The following PRKCH variants were observed in gnomAD, a reference collection of about 807,000 sequenced individuals.
PRKCH encodes protein kinase C eta.
In PRKCH, 28 loss-of-function variants were observed where a neutral mutation model predicts 82.5. That is an observed-to-expected ratio of 0.34 (90% CI 0.25 to 0.47). PRKCH has a LOEUF of 0.47. Ranked by LOEUF, PRKCH falls within the 20% of genes least tolerant of loss-of-function variation. The pLI, the probability that PRKCH is intolerant of heterozygous loss-of-function variation, is 1.00. For synonymous variants in PRKCH, 322 were observed against 327.4 expected, an observed-to-expected ratio of 0.98 and a Z score of 0.18; for missense variants, 705 against 881.8, an observed-to-expected ratio of 0.80 and a Z score of 2.54.
At chr14:61,534,719 G>T (rs192330678) in intron 12 of PRKCH, among the ~76,000 whole-genome samples, 3 of 152,208 alleles carry the variant, frequency 2.0e-5, no homozygotes, top group Admixed American at 6.5e-5. Context: ...GAGGAAACGG[G>T]CCCAGAGAGA....
At chr14:61,299,337 T>C (rs1026608613) in intron 1 of PRKCH, among the ~76,000 whole-genome samples, 1 of 152,142 alleles carries the variant, frequency 6.6e-6, no homozygotes, top group African/African-American at 2.4e-5. Flanking sequence ...ACCTGAGGCG[T>C]TCTTACCTTA....
intron 1 of PRKCH, among the ~76,000 whole-genome samples, chr14:61,378,682 T>A (rs2046457995): frequency 6.6e-6 from 1 of 152,204 alleles, no homozygotes; most frequent in East Asian, 1.9e-4. Context: ...TTCCTCCAGT[T>A]CTGCTTCCCC....
At chr14:61,445,866 A>G in intron 4 of PRKCH, 140 bp downstream of exon 4, 1 of 845,258 alleles carries the variant, frequency 1.2e-6, no homozygotes, top group Non-Finnish European at 1.9e-6. Flanking sequence ...CTGTGTAGAT[A>G]CAACTCTTTA....
chr14:61,263,198 A>C (rs1293289654), intron 1 of PRKCH, among the ~76,000 whole-genome samples: 1 of 152,150 alleles, frequency 6.6e-6, no homozygotes, highest in Non-Finnish European at 1.5e-5. Flanking sequence ...TCTCATTCAA[A>C]GCAGTCATCA....
intron 2 of PRKCH, among the ~76,000 whole-genome samples, chr14:61,404,737 G>A (rs1881847653): frequency 6.6e-6 from 1 of 152,156 alleles, no homozygotes; most frequent in Non-Finnish European, 1.5e-5. Context: ...AGATGGTCAG[G>A]GAAGGCCCCT....
intron 1 of PRKCH, chr14:61,304,490 T>C (rs2045471065): frequency 6.6e-6 from 1 of 152,152 alleles, no homozygotes; most frequent in South Asian, 2.1e-4. Context: ...CCAGCATTTG[T>C]TTATCAGAAA....
Position 61,322,481 on chromosome 14 carries a change from C to T in PRKCH, c.363+17C>T, listed in dbSNP as rs764761904. 1 of 1,581,920 alleles carries T rather than the reference C, an allele frequency of 6.3e-7. No homozygotes were observed. Among genetic ancestry groups the T allele is most frequent in the East Asian group, 2.3e-5 (1 of 43,990 alleles). ...GAGGGTTGGGTGAGTAGCGGTGACC[C>T]CTTCCCTTTGTGTCCACCCAACCCC... On this transcript the variant is annotated intron_variant, in intron 1 of 13. Coordinates refer to ENST00000332981, the MANE Select transcript of PRKCH (RefSeq NM_006255.5).
At chr14:61,428,719 C>T (rs962452934) in intron 2 of PRKCH, among the ~76,000 whole-genome samples, 4 of 152,064 alleles carry the variant, frequency 2.6e-5, no homozygotes, top group Non-Finnish European at 5.9e-5. Context: ...CCTTAAACAC[C>T]AAAAATGCTT....
At chr14:61,455,714 C>G (rs1000488660) in intron 7 of PRKCH, among the ~76,000 whole-genome samples, 1 of 152,180 alleles carries the variant, frequency 6.6e-6, no homozygotes, top group Non-Finnish European at 1.5e-5. Flanking sequence ...TCATTTGAAT[C>G]AAGTATCCTT....
chr14:61,549,309 T>A (rs1215464365), intron 13 of PRKCH, among the ~76,000 whole-genome samples: 2 of 152,182 alleles, frequency 1.3e-5, no homozygotes, highest in Non-Finnish European at 2.9e-5. Context: ...CTACCCAACC[T>A]CTGTTGACAA....
intron 9 of PRKCH, among the ~76,000 whole-genome samples, chr14:61,476,046 CAT>C (rs1340970745): frequency 6.6e-6 from 1 of 152,174 alleles, no homozygotes; most frequent in Non-Finnish European, 1.5e-5. Flanking sequence ...GAAAATATAG[CAT>C]CAGCAGACCT....
chr14:61,417,562 C>A (rs932975062), intron 2 of PRKCH, among the ~76,000 whole-genome samples: 1 of 152,128 alleles, frequency 6.6e-6, no homozygotes, highest in Non-Finnish European at 1.5e-5. Flanking sequence ...ATTAGTGAAG[C>A]CTTTAATTGG....
intron 1 of PRKCH, among the ~76,000 whole-genome samples, chr14:61,389,611 G>A (rs1177107270): frequency 6.6e-6 from 1 of 151,434 alleles, no homozygotes; most frequent in African/African-American, 2.4e-5. Flanking sequence ...TGAGGCAGGA[G>A]AATCGCTTGA....
intron 1 of PRKCH, among the ~76,000 whole-genome samples, chr14:61,341,820 A>G (rs1344531428): frequency 1.3e-5 from 2 of 152,218 alleles, no homozygotes; most frequent in Admixed American, 1.3e-4. Context: ...ACACTGGACT[A>G]ACAATGCTTA....
chr14:61,341,339 T>A (rs1433276323), intron 1 of PRKCH, among the ~76,000 whole-genome samples: 1 of 152,192 alleles, frequency 6.6e-6, no homozygotes, highest in Admixed American at 6.5e-5. Context: ...CCTTTGTAAT[T>A]TGTACAGAAG....
At chr14:61,358,724 C>T (rs1307117149) in intron 1 of PRKCH, among the ~76,000 whole-genome samples, 2 of 152,116 alleles carry the variant, frequency 1.3e-5, no homozygotes, top group Non-Finnish European at 2.9e-5. Context: ...TCCTCCTGGC[C>T]CTTGGTGGCA....
intron 13 of PRKCH, among the ~76,000 whole-genome samples, 156 bp downstream of exon 13, chr14:61,548,042 T>C (rs1404232505): frequency 2.6e-5 from 4 of 152,226 alleles, no homozygotes; most frequent in Non-Finnish European, 2.9e-5. Flanking sequence ...GAATCTGGGC[T>C]CCTTGTCCAT....
intron 2 of PRKCH, among the ~76,000 whole-genome samples, chr14:61,416,560 C>T (rs1282742567): frequency 6.6e-6 from 1 of 152,142 alleles, no homozygotes; most frequent in Non-Finnish European, 1.5e-5. Context: ...TATCTCCCAG[C>T]TTGGCTCAGC....
At chr14:61,294,680 A>G (rs1486748751) in intron 1 of PRKCH, among the ~76,000 whole-genome samples, 1 of 152,120 alleles carries the variant, frequency 6.6e-6, no homozygotes, top group African/African-American at 2.4e-5. Flanking sequence ...TCAATAATAC[A>G]CTGAAGACCG....
Sources: gnomAD v4.1 joint callset for allele counts (sites outside exome capture counted in the v4.1 genomes callset) on GRCh38, gnomAD v4.1.1 for gene constraint, MANE v1.5 for transcripts, NCBI Gene and HGNC (gene_info 2026-07-23, HGNC 2026-07-21) for gene names.